The following SNRK variants were observed in gnomAD, a reference collection of about 807,000 sequenced individuals.
The protein encoded by SNRK is SNF related kinase, also known as SNF-related serine/threonine-protein kinase.
SNRK carries 3 observed loss-of-function variants against 48.2 expected under a neutral mutation model. That is an observed-to-expected ratio of 0.06 (90% CI 0.03 to 0.16). The LOEUF is 0.16. SNRK is among the 10% of genes least tolerant of loss of function. The pLI is 1.00. For missense variants in SNRK, 627 were observed against 976.0 expected (o/e 0.64, Z 4.76); for synonymous variants, 376 against 366.1 (o/e 1.03, Z -0.31).
chr3:43,289,595 A>G (rs1186167732), intron 1 of SNRK: 1 of 152,632 alleles, frequency 6.6e-6, no homozygotes, highest in East Asian at 1.9e-4. Flanking sequence ...ATTGATCCTC[A>G]TCTGCTTTTC....
At chr3:43,301,533 A>T (rs2090897688) in intron 2 of SNRK, among the ~76,000 whole-genome samples, 1 of 152,210 alleles carries the variant, frequency 6.6e-6, no homozygotes, top group African/African-American at 2.4e-5. Context: ...TGGGAGGCCA[A>T]GGCAGGAGGA....
At chr3:43,294,493 G>T (rs1000077760) in intron 1 of SNRK, among the ~76,000 whole-genome samples, 1 of 151,910 alleles carries the variant, frequency 6.6e-6, no homozygotes, top group African/African-American at 2.4e-5. Context: ...TCACATGAGG[G>T]TTTTTTTTAA....
intron 6 of SNRK, among the ~76,000 whole-genome samples, chr3:43,344,011 A>T (rs555427811): frequency 6.6e-6 from 1 of 152,036 alleles, no homozygotes. Context: ...TGACTTAGCT[A>T]CCCGATCTGT....
At chr3:43,301,607 A>G (rs2090898120) in intron 2 of SNRK, among the ~76,000 whole-genome samples, 1 of 152,208 alleles carries the variant, frequency 6.6e-6, no homozygotes, top group African/African-American at 2.4e-5. Flanking sequence ...CTCTAATAAA[A>G]ATAAATAGCA....
rs1373947699 is a variant in SNRK, at chr3:43,350,713, C to T, written c.*2156C>T. The T allele has an allele frequency of 2.0e-5, 3 of 152,610 alleles. No individual in the cohort carries two copies. Among genetic ancestry groups the T allele is most frequent in the African/African-American group, 4.8e-5 (2 of 41,438 alleles). 9.5% of individuals were successfully genotyped at this position (152,610 alleles called of 1,614,324 possible). ...CACATAAAAGGGAGGGAGCGAAAAA[C>T]CATTACATTAAGATAATATTGGACC... On this transcript the variant is annotated 3_prime_UTR_variant, in exon 7 of 7. Coordinates refer to ENST00000296088, the MANE Select transcript of SNRK (RefSeq NM_017719.5).
chr3:43,338,475 G>A (rs765436787), intron 4 of SNRK, among the ~76,000 whole-genome samples: 2 of 152,186 alleles, frequency 1.3e-5, no homozygotes, highest in African/African-American at 2.4e-5. Flanking sequence ...TTGTCTCCAC[G>A]TAGGTGTCCT....
At chr3:43,345,961 C>G (rs1484870575) in intron 6 of SNRK, among the ~76,000 whole-genome samples, 2 of 152,168 alleles carry the variant, frequency 1.3e-5, no homozygotes, top group Non-Finnish European at 2.9e-5. Flanking sequence ...ATTGAGAACT[C>G]TTAGGACTGA....
Position 43,303,669 on chromosome 3 carries a change from T to G in SNRK, c.466T>G (p.Leu156Val), listed in dbSNP as rs2090914262. 2 of 1,614,098 alleles carry G rather than the reference T, an allele frequency of 1.2e-6. No individual in the cohort carries two copies. Among genetic ancestry groups the G allele is most frequent in the Admixed American group, 3.3e-5 (2 of 60,010 alleles). Residue 156 changes from leucine (L) to valine (V), a missense_variant, in exon 3 of 7, where the codon TTG (leucine) becomes GTG (valine). By Grantham distance (32) the Leu-to-Val change is conservative. Coordinates refer to ENST00000296088, the MANE Select transcript of SNRK (RefSeq NM_017719.5). This position sits in a 1 kb window ranked among gnomAD's most constrained non-coding sequence, Gnocchi z 6.2. The part of the protein sequence containing the change: ...VFFEKQGLVK[L>V]TDFGFSNKFQ... ...CTTTGAAAAACAAGGTCTTGTAAAG[T>G]TGACAGACTTTGGGTTCAGCAACAA...
At chr3:43,340,170 A>G in intron 4 of SNRK, 117 bp from the exon 5 acceptor site, 2 of 803,508 alleles carry the variant, frequency 2.5e-6, no homozygotes, top group Middle Eastern at 2.7e-4. Context: ...CACTGCCACC[A>G]CTAGTGCACC....
At chr3:43,301,644 C>T (rs78709949) in intron 2 of SNRK, among the ~76,000 whole-genome samples, 4,792 of 152,068 alleles carry the variant, frequency 0.032, 249 homozygotes, top group African/African-American at 0.11. Context: ...AAAAAACTTA[C>T]CTATTATATG....
rs150588343 is a variant in SNRK at position 43,334,843 on chromosome 3, C to T, written c.731+2533C>T. On this transcript the variant is annotated intron_variant, in intron 4 of 6. Coordinates refer to ENST00000296088, the MANE Select transcript of SNRK (RefSeq NM_017719.5). ...TCTTAACCTCGTGATCCGCCTGCCT[C>T]GGCCTCCCAAAGTGCTGGGATTACA... Among the ~76,000 whole-genome samples, 391 of 152,294 alleles carry T rather than the reference C, an allele frequency of 2.6e-3. 2 individuals carry two copies. The highest frequency in any genetic ancestry group is 9.1e-3 in the African/African-American group (377 of 41,566).
intron 3 of SNRK, among the ~76,000 whole-genome samples, chr3:43,322,912 A>G (rs1393821946): frequency 6.8e-6 from 1 of 148,122 alleles, no homozygotes; most frequent in Non-Finnish European, 1.5e-5. Flanking sequence ...AGACCGTGCC[A>G]CTGCACTACA....
At chr3:43,320,061 A>G (rs2091042090) in intron 3 of SNRK, among the ~76,000 whole-genome samples, 1 of 152,222 alleles carries the variant, frequency 6.6e-6, no homozygotes, top group Non-Finnish European at 1.5e-5. Flanking sequence ...TGGAACATAA[A>G]ATACACATGT....
chr3:43,302,372 G>T (rs78517457), intron 2 of SNRK, among the ~76,000 whole-genome samples: 1 of 152,128 alleles, frequency 6.6e-6, no homozygotes, highest in African/African-American at 2.4e-5. Flanking sequence ...GGAAAAAGTT[G>T]CATTTCAAAA....
chr3:43,288,517 T>C (rs1004110337), intron 1 of SNRK, among the ~76,000 whole-genome samples: 1 of 152,232 alleles, frequency 6.6e-6, no homozygotes, highest in African/African-American at 2.4e-5. Context: ...ATATTTTTAC[T>C]GGTCACAGGA....
chr3:43,298,996 C>T (rs1393423392), intron 1 of SNRK, among the ~76,000 whole-genome samples: 3 of 152,056 alleles, frequency 2.0e-5, no homozygotes, highest in Admixed American at 6.6e-5. Context: ...CCTTTAGGGG[C>T]TCCTAGAGAC....
Position 43,303,526 on chromosome 3 carries a change from A to C in SNRK, c.323A>C (p.Glu108Ala). Residue 108 changes from glutamate to alanine, a missense_variant, in exon 3 of 7, where the codon GAG (glutamate) becomes GCG (alanine). Transcript: ENST00000296088. The surrounding 1 kb of genome is among the most constrained non-coding windows in gnomAD (Gnocchi z 6.2). The part of the protein sequence containing the change: ...GDMFDYIMKH[E>A]EGLNEDLAKK... ...ATGTTTGATTATATAATGAAACATG[A>C]GGAGGGTCTTAATGAAGACTTGGCC... is the stretch of plus-strand genomic sequence containing the variant. 2.5e-6 allele frequency: 4 copies of C among 1,614,174 alleles called. No homozygotes were observed. The highest frequency in any genetic ancestry group is 3.4e-6 in the Non-Finnish European group (4 of 1,180,014).
intron 1 of SNRK, among the ~76,000 whole-genome samples, chr3:43,295,314 C>T (rs2090844333): frequency 6.6e-6 from 1 of 152,230 alleles, no homozygotes; most frequent in Non-Finnish European, 1.5e-5. Flanking sequence ...TTCAAGGATT[C>T]TGCATTGGCA....
At chr3:43,342,598 C>T (rs1361577865) in intron 5 of SNRK, among the ~76,000 whole-genome samples, 1 of 152,118 alleles carries the variant, frequency 6.6e-6, no homozygotes, top group African/African-American at 2.4e-5. Context: ...TTTCTGAAAA[C>T]GTAGTTACGT....
Sources: gnomAD v4.1 joint callset for allele counts (sites outside exome capture counted in the v4.1 genomes callset) on GRCh38, gnomAD v4.1.1 for gene constraint, Gnocchi (gnomAD v3.1) non-coding constraint, MANE v1.5 for transcripts, NCBI Gene and HGNC (gene_info 2026-07-23, HGNC 2026-07-21) for gene names.